The following ZNF697 variants were observed in gnomAD, a reference collection of about 807,000 sequenced individuals.
ZNF697 encodes zinc finger protein 697.
Under a neutral mutation model 32.4 loss-of-function variants are expected in ZNF697, and 23 were observed. The observed-to-expected ratio is 0.71, with a 90% CI of 0.51 to 1.01. ZNF697 has a LOEUF of 1.01. Ranked by LOEUF, ZNF697 falls within the 50% of genes least tolerant of loss-of-function variation. The pLI is 0.00. For synonymous variants in ZNF697, 418 were observed against 337.2 expected (o/e 1.24, Z -2.62); for missense variants, 930 against 794.0 (o/e 1.17, Z -2.06).
chr1:119,627,455 C>T (rs901437668), intron 1 of ZNF697, among the ~76,000 whole-genome samples: 34 of 152,196 alleles, frequency 2.2e-4, no homozygotes, highest in Admixed American at 1.5e-3. Context: ...ACCTTTCTCA[C>T]AGGGAGGGTG....
chr1:119,646,053 A>G (rs61697179), intron 1 of ZNF697, among the ~76,000 whole-genome samples: 2 of 152,252 alleles, frequency 1.3e-5, no homozygotes, highest in South Asian at 4.1e-4. Context: ...ATGCAACTCC[A>G]TGAGCCTTAG....
rs1317015003 is a variant in ZNF697 at position 119,621,257 on chromosome 1, TGCAAAAGGTCAG to T, written c.*1436_*1447del. 1 of 152,298 alleles carries T rather than the reference TGCAAAAGGTCAG, an allele frequency of 6.6e-6. No individual in the cohort carries two copies. The highest frequency in any genetic ancestry group is 1.9e-4 in the East Asian group (1 of 5,200). 9.4% of individuals were successfully genotyped at this position (152,298 alleles called of 1,614,324 possible). A position where few individuals can be genotyped will look rare whatever the true frequency, so the allele number is the denominator to read the frequency against. On this transcript the variant is annotated 3_prime_UTR_variant, in exon 3 of 3. Coordinates refer to ENST00000421812, the MANE Select transcript of ZNF697 (RefSeq NM_001080470.2). Reference sequence around the variant, plus strand: ...TCTTCCTAGCAGCTGAGCTGGAGAATGCAAAAGGTCAGGCTACAATTATTCACACTGTCCTCA... The same window carrying T: ...TCTTCCTAGCAGCTGAGCTGGAGAATGCTACAATTATTCACACTGTCCTCA...
At position 119,623,015 on chromosome 1, in the gene ZNF697, C is replaced by T; in HGVS notation, c.1328G>A (p.Gly443Glu). 1 of 1,589,380 alleles carries T rather than the reference C, an allele frequency of 6.3e-7. No individual in the cohort carries two copies. The highest frequency in any genetic ancestry group is 1.1e-5 in the South Asian group (1 of 88,288). ...GTGCGAGTTACGCCCGAAGCCCTTCCCGCACTCGCGGCACACGTAGGGCCG... is the reference window on the plus strand; with the variant it reads ...GTGCGAGTTACGCCCGAAGCCCTTCTCGCACTCGCGGCACACGTAGGGCCG... The part of the protein sequence containing the change: ...GERPYVCREC[G>E]KGFGRNSHLV... Residue 443 changes from glycine (G) to glutamate (E), a missense_variant, in exon 3 of 3, where the codon GGG becomes GAG. Gly to Glu is a moderately conservative substitution (Grantham distance 98, BLOSUM62 -2). Coordinates refer to ENST00000421812, the MANE Select transcript of ZNF697 (RefSeq NM_001080470.2).
At chr1:119,631,235 G>A (rs1009529883) in intron 1 of ZNF697, among the ~76,000 whole-genome samples, 1 of 152,258 alleles carries the variant, frequency 6.6e-6, no homozygotes, top group Non-Finnish European at 1.5e-5. Context: ...CTGTCACGCG[G>A]CCCCTGGCGT....
At chr1:119,625,456 G>A (rs920366273) in intron 2 of ZNF697, among the ~76,000 whole-genome samples, 1 of 152,196 alleles carries the variant, frequency 6.6e-6, no homozygotes, top group African/African-American at 2.4e-5. Flanking sequence ...TCTGCAAAGG[G>A]AGATGAGGAC....
chr1:119,625,096 T>A (rs587768192), intron 2 of ZNF697, among the ~76,000 whole-genome samples: 10 of 151,896 alleles, frequency 6.6e-5, no homozygotes, highest in African/African-American at 2.4e-4. Flanking sequence ...TGGCTGCGTA[T>A]CCCCAAGCAG....
At chr1:119,633,686 C>G (rs1648846836) in intron 1 of ZNF697, among the ~76,000 whole-genome samples, 1 of 152,228 alleles carries the variant, frequency 6.6e-6, no homozygotes, top group Non-Finnish European at 1.5e-5. Flanking sequence ...GACCACAAAT[C>G]TTGGCATTCT....
Position 119,622,465 on chromosome 1 carries a change from G to A in ZNF697, c.*240C>T. On this transcript the variant is annotated 3_prime_UTR_variant, in exon 3 of 3. Coordinates refer to ENST00000421812, the MANE Select transcript of ZNF697 (RefSeq NM_001080470.2). ...CCCCCTACAGCGTGTATTTAAGGAA[G>A]TCATCACCCCAAGCGCATCTCCTGA... 1 of 668,508 alleles carries A rather than the reference G, an allele frequency of 1.5e-6. No homozygotes were observed. The highest frequency in any genetic ancestry group is 1.8e-5 in the African/African-American group (1 of 54,442). The allele number at this position is 668,508 out of a possible 1,614,324, so 41.4% of individuals were successfully genotyped here.
chr1:119,622,653 A>G lies in ZNF697; in HGVS notation c.*52T>C. 2.7e-6 allele frequency: 4 copies of G among 1,460,184 alleles called. No homozygotes were observed. Among genetic ancestry groups the G allele is most frequent in the African/African-American group, 1.4e-5 (1 of 70,582 alleles). 90.5% of individuals were successfully genotyped at this position (1,460,184 alleles called of 1,614,324 possible). On this transcript the variant is annotated 3_prime_UTR_variant, in exon 3 of 3. Transcript: ENST00000421812. ...TTCCTTCCCCTGGGTCAGTCCCAGGATATCTACCCCCCACAGGCTCCCCAG... is the reference window on the plus strand; with the variant it reads ...TTCCTTCCCCTGGGTCAGTCCCAGGGTATCTACCCCCCACAGGCTCCCCAG...
chr1:119,637,530 T>G (rs1648956760), intron 1 of ZNF697, among the ~76,000 whole-genome samples: 2 of 152,240 alleles, frequency 1.3e-5, no homozygotes, highest in Admixed American at 6.5e-5. Flanking sequence ...GGATTCCTTT[T>G]AGGTACAATC....
At chr1:119,625,595 T>C (rs1254573997) in intron 2 of ZNF697, among the ~76,000 whole-genome samples, 3 of 152,240 alleles carry the variant, frequency 2.0e-5, no homozygotes, top group Non-Finnish European at 4.4e-5. Context: ...GTAATTCTAC[T>C]GTAGTGTTGT....
chr1:119,633,296 G>A (rs1013530097), intron 1 of ZNF697, among the ~76,000 whole-genome samples: 1 of 151,622 alleles, frequency 6.6e-6, no homozygotes. Context: ...ACATATACTT[G>A]TCTTTTCTTT....
chr1:119,632,303 C>A (rs1570943464), intron 1 of ZNF697, among the ~76,000 whole-genome samples: 1 of 152,190 alleles, frequency 6.6e-6, no homozygotes, highest in South Asian at 2.1e-4. Context: ...ACCCAGACTG[C>A]CCAACCCAAA....
chr1:119,633,540 C>T (rs968838987), intron 1 of ZNF697, among the ~76,000 whole-genome samples: 17 of 152,312 alleles, frequency 1.1e-4, no homozygotes, highest in African/African-American at 3.8e-4. Context: ...GAAGATCAGT[C>T]TGTTTGTTCT....
chr1:119,635,685 T>G (rs1474220575), intron 1 of ZNF697, among the ~76,000 whole-genome samples: 1 of 152,148 alleles, frequency 6.6e-6, no homozygotes, highest in African/African-American at 2.4e-5. Flanking sequence ...AGAATCACCT[T>G]CTAAGGGGAT....
rs1648481610 is a variant in ZNF697 at position 119,623,947 on chromosome 1, TTCC to T, written c.393_395del (p.Glu134del). On this transcript the variant is annotated inframe_deletion, in exon 3 of 3. Transcript: ENST00000421812. Reference sequence around the variant, plus strand: ...GTACGGGAGGGGCCGGCTGCTCCTCTTCCTCCTCCAGCCGGTTCTCCCCAGCAC... The same window carrying T: ...GTACGGGAGGGGCCGGCTGCTCCTCTTCCTCCAGCCGGTTCTCCCCAGCAC... 1 of 1,599,712 alleles carries T rather than the reference TTCC, an allele frequency of 6.3e-7. No homozygotes were observed. The highest frequency in any genetic ancestry group is 1.1e-5 in the South Asian group (1 of 88,588).
At position 119,632,845 on chromosome 1, in the gene ZNF697, A is replaced by G. The variant is rs587649295; in HGVS notation, c.-37-6708T>C. Among the ~76,000 whole-genome samples, 3 of 152,324 alleles carry G rather than the reference A, an allele frequency of 2.0e-5. No homozygotes were observed. The East Asian group carries it at 5.8e-4, about 29-fold the overall frequency. On this transcript the variant is annotated intron_variant, in intron 1 of 2. Coordinates refer to ENST00000421812, the MANE Select transcript of ZNF697 (RefSeq NM_001080470.2). ...TTGGCATTTACTATCCATATTTTAC[A>G]TTTAACTGATTAGAATCTTCCGCGA...
chr1:119,620,209 T>C lies in ZNF697; in HGVS notation c.*2496A>G, dbSNP rs587602083. 1.3e-5 allele frequency: 2 copies of C among 152,598 alleles called. No individual in the cohort carries two copies. The highest frequency in any genetic ancestry group is 2.1e-4 in the South Asian group (1 of 4,812). The allele number at this position is 152,598 out of a possible 1,614,324, so 9.5% of individuals were successfully genotyped here. ...CAGCTGACTTTTTTATCCATGGTAA[T>C]AGAAATAATGAGAGAGGTAAATGAA... is the stretch of plus-strand genomic sequence containing the variant. On this transcript the variant is annotated 3_prime_UTR_variant, in exon 3 of 3. Coordinates refer to ENST00000421812, the MANE Select transcript of ZNF697 (RefSeq NM_001080470.2).
At chr1:119,631,205 C>A (rs901241904) in intron 1 of ZNF697, among the ~76,000 whole-genome samples, 1 of 152,256 alleles carries the variant, frequency 6.6e-6, no homozygotes, top group Admixed American at 6.5e-5. Flanking sequence ...GCTGAGGCAG[C>A]CTTCTGCGCG....
Sources: allele counts gnomAD v4.1 joint callset (sites outside exome capture counted in the v4.1 genomes callset), GRCh38; gene constraint gnomAD v4.1.1; transcripts MANE v1.5; gene names NCBI Gene and HGNC (gene_info 2026-07-23, HGNC 2026-07-21).